The following PLEKHA2 variants were observed in gnomAD, a reference collection of about 807,000 sequenced individuals.
PLEKHA2 encodes the protein pleckstrin homology domain-containing family A member 2.
A neutral mutation model predicts 53.2 loss-of-function variants in PLEKHA2; 28 were observed. The observed-to-expected ratio is 0.53, with a 90% CI of 0.39 to 0.72. The LOEUF (loss-of-function observed/expected upper bound fraction) is 0.72, where lower values mean the gene tolerates loss of function less well. PLEKHA2 is among the 30% of genes least tolerant of loss of function. PLEKHA2 has a pLI of 0.00. For synonymous variants in PLEKHA2, 193 were observed against 196.4 expected (o/e 0.98, Z 0.14); for missense variants, 426 against 537.9 (o/e 0.79, Z 2.06).
At chr8:38,917,340 G>A (rs926698264) in intron 1 of PLEKHA2, among the ~76,000 whole-genome samples, 2 of 152,128 alleles carry the variant, frequency 1.3e-5, no homozygotes, top group African/African-American at 2.4e-5. Context: ...TTGTTCAAGA[G>A]CCTGGCAGAA....
intron 9 of PLEKHA2, among the ~76,000 whole-genome samples, chr8:38,954,680 CAATT>C (rs1010426005): frequency 6.6e-6 from 1 of 152,060 alleles, no homozygotes; most frequent in African/African-American, 2.4e-5. Context: ...TCTTGATAAT[CAATT>C]AATATTTGTT....
At chr8:38,959,087 G>C (rs1248469519) in intron 10 of PLEKHA2, among the ~76,000 whole-genome samples, 1 of 152,084 alleles carries the variant, frequency 6.6e-6, no homozygotes, top group Non-Finnish European at 1.5e-5. Flanking sequence ...GAATGTGACA[G>C]TAATCGAAAT....
intron 10 of PLEKHA2, among the ~76,000 whole-genome samples, chr8:38,961,176 C>T (rs1835033601): frequency 6.6e-6 from 1 of 152,142 alleles, no homozygotes; most frequent in African/African-American, 2.4e-5. Context: ...GGATAAAAAT[C>T]TACCAAATAC....
chr8:38,967,032 T>G (rs1469889861), intron 10 of PLEKHA2, among the ~76,000 whole-genome samples: 2 of 150,132 alleles, frequency 1.3e-5, no homozygotes, highest in Non-Finnish European at 3.0e-5. Flanking sequence ...CAGTTATAAG[T>G]GAGAATATGT....
Position 38,968,611 on chromosome 8 carries a change from T to C in PLEKHA2, c.857T>C (p.Met286Thr). ...TTGCAGGCAGACAGTCCAGAAGACA[T>C]GCACAGCTGGATTAAGGAGATTGGC... ...FYVQADSPEDMHSWIKEIGAA... is the reference protein window; with the variant it reads ...FYVQADSPEDTHSWIKEIGAA... The change falls in exon 11 of 12, where the codon ATG (methionine) becomes ACG (threonine). Residue 286 changes from methionine to threonine, a missense_variant. Coordinates refer to ENST00000617275, the MANE Select transcript of PLEKHA2 (RefSeq NM_021623.2). The C allele has an allele frequency of 6.2e-7, 1 of 1,614,028 alleles. No individual in the cohort carries two copies. Among genetic ancestry groups the C allele is most frequent in the Non-Finnish European group, 8.5e-7 (1 of 1,179,894 alleles).
chr8:38,910,508 T>C (rs1216667128), intron 1 of PLEKHA2, among the ~76,000 whole-genome samples: 1 of 152,234 alleles, frequency 6.6e-6, no homozygotes. Context: ...GATGTCATTA[T>C]GTATTTGAAA....
intron 5 of PLEKHA2, among the ~76,000 whole-genome samples, chr8:38,950,237 TTCCC>T (rs1834802560): frequency 6.6e-6 from 1 of 152,276 alleles, no homozygotes; most frequent in East Asian, 1.9e-4. Context: ...TCTCACTATG[TTCCC>T]CAGGCTGGTC....
intron 2 of PLEKHA2, among the ~76,000 whole-genome samples, chr8:38,933,815 G>A (rs569428489): frequency 1.2e-4 from 9 of 75,744 alleles, no homozygotes; most frequent in African/African-American, 2.6e-4. Context: ...AAAAGCAGTC[G>A]CTATGTGGTT....
In PLEKHA2 at chr8:38,947,577, C is replaced by T. The variant is rs374147893; in HGVS notation, c.345+1356C>T. Among the ~76,000 whole-genome samples the T allele has an allele frequency of 2.0e-3, 297 of 151,790 alleles. 2 individuals are homozygous for T. The highest frequency in any genetic ancestry group is 3.5e-3 in the South Asian group (17 of 4,806). Reference sequence around the variant, plus strand: ...GTTTGAGGCTGCAGGGAGTTATGATCGCACCACTGTACTTCAGCCTAGGCA... The same window carrying T: ...GTTTGAGGCTGCAGGGAGTTATGATTGCACCACTGTACTTCAGCCTAGGCA... On this transcript the variant is annotated intron_variant, in intron 5 of 11. Coordinates refer to ENST00000617275, the MANE Select transcript of PLEKHA2 (RefSeq NM_021623.2).
Position 38,971,370 on chromosome 8 carries a change from G to A in PLEKHA2, c.*1587G>A, listed in dbSNP as rs1377322657. 1 of 153,330 alleles carries A rather than the reference G, an allele frequency of 6.5e-6. No individual in the cohort carries two copies. Among genetic ancestry groups the A allele is most frequent in the East Asian group, 1.9e-4 (1 of 5,208 alleles). 9.5% of individuals were successfully genotyped at this position (153,330 alleles called of 1,614,324 possible). Reference sequence around the variant, plus strand: ...GCCCTCAGAAATTCTTGGTTTGGGAGTTATGTATTTTTGAGTGATCGAGGT... The same window carrying A: ...GCCCTCAGAAATTCTTGGTTTGGGAATTATGTATTTTTGAGTGATCGAGGT... On this transcript the variant is annotated 3_prime_UTR_variant, in exon 12 of 12. Coordinates refer to ENST00000617275, the MANE Select transcript of PLEKHA2 (RefSeq NM_021623.2).
chr8:38,910,447 G>A (rs1241029185), intron 1 of PLEKHA2, among the ~76,000 whole-genome samples: 1 of 152,160 alleles, frequency 6.6e-6, no homozygotes, highest in African/African-American at 2.4e-5. Flanking sequence ...TGAAGTTCAG[G>A]AAAGTAGATG....
intron 3 of PLEKHA2, among the ~76,000 whole-genome samples, chr8:38,937,268 C>G (rs141642874): frequency 6.6e-6 from 1 of 152,184 alleles, no homozygotes; most frequent in Non-Finnish European, 1.5e-5. Flanking sequence ...GCACAGCTGC[C>G]GGCAATTTGT....
chr8:38,906,968 A>G (rs1006931947), intron 1 of PLEKHA2, among the ~76,000 whole-genome samples: 2 of 152,164 alleles, frequency 1.3e-5, no homozygotes, highest in African/African-American at 4.8e-5. Flanking sequence ...GTCCTCTTTG[A>G]GATCTCTGAT....
chr8:38,948,400 GT>G (rs1834756823), intron 5 of PLEKHA2, among the ~76,000 whole-genome samples: 1 of 152,216 alleles, frequency 6.6e-6, no homozygotes, highest in East Asian at 1.9e-4. Context: ...GATAAGATTA[GT>G]GATAATGCAG....
Position 38,969,732 on chromosome 8 carries a change from G to A in PLEKHA2, c.1227G>A (p.Lys409=). The A allele has an allele frequency of 6.4e-7, 1 of 1,552,298 alleles. No homozygotes were observed. Among genetic ancestry groups the A allele is most frequent in the Non-Finnish European group, 8.7e-7 (1 of 1,147,834 alleles). Residue 409 remains lysine (K), a synonymous_variant, in exon 12 of 12, where the codon AAG becomes AAA. Transcript: ENST00000617275. ...CGGAGCCCCAGCACCCCAAGGAGAA[G>A]CCGTTTATGTTCAACCTTGATGATG... ...HRSEPQHPKE[K]PFMFNLDDEN... is the part of the protein sequence containing the mutation.
chr8:38,915,182 G>C (rs1834036398), intron 1 of PLEKHA2, among the ~76,000 whole-genome samples: 1 of 152,174 alleles, frequency 6.6e-6, no homozygotes, highest in Admixed American at 6.5e-5. Context: ...CTGGCCTCAA[G>C]CGATCCTCCC....
At chr8:38,923,228 A>G (rs890871327) in intron 2 of PLEKHA2, among the ~76,000 whole-genome samples, 1 of 152,196 alleles carries the variant, frequency 6.6e-6, no homozygotes, top group African/African-American at 2.4e-5. Flanking sequence ...GTGGAGTCTC[A>G]TATGGAAAGT....
intron 3 of PLEKHA2, among the ~76,000 whole-genome samples, chr8:38,936,580 A>G (rs117739075): frequency 0.015 from 2,278 of 152,350 alleles, 20 homozygotes; most frequent in Non-Finnish European, 0.023. Flanking sequence ...CAGCAGCCAG[A>G]TAACTGCTGG....
chr8:38,939,100 C>T (rs1834551267), intron 3 of PLEKHA2, among the ~76,000 whole-genome samples: 1 of 151,992 alleles, frequency 6.6e-6, no homozygotes, highest in Admixed American at 6.6e-5. Flanking sequence ...GACGGGGTTT[C>T]ACCATGTTGA....
Sources: allele counts gnomAD v4.1 joint callset (sites outside exome capture counted in the v4.1 genomes callset), GRCh38; gene constraint gnomAD v4.1.1; transcripts MANE v1.5; gene names NCBI Gene and HGNC (gene_info 2026-07-23, HGNC 2026-07-21).